The following SPATA17 variants were observed in gnomAD, a reference collection of about 807,000 sequenced individuals.
SPATA17 encodes the protein spermatogenesis-associated protein 17.
In SPATA17, 53 loss-of-function variants were observed where a neutral mutation model predicts 62.2. That is an observed-to-expected ratio of 0.85 (90% CI 0.68 to 1.07). The LOEUF (loss-of-function observed/expected upper bound fraction) is 1.07. Among genes scored for constraint, SPATA17 ranks in the 50% least tolerant of loss-of-function variants. SPATA17 has a pLI of 0.00. For missense variants in SPATA17, 466 were observed against 425.5 expected (o/e 1.10, Z -0.84); for synonymous variants, 146 against 146.8 (o/e 0.99, Z 0.04).
At chr1:217,770,938 G>C (rs544544360) in intron 6 of SPATA17, among the ~76,000 whole-genome samples, 1 of 134,144 alleles carries the variant, frequency 7.5e-6, no homozygotes, top group South Asian at 2.4e-4. Context: ...CTGAAGGGGG[G>C]AATTCAAGAA....
chr1:217,811,211 T>A (rs12120342), intron 9 of SPATA17, among the ~76,000 whole-genome samples: 30,807 of 151,744 alleles, frequency 0.2, 3,583 homozygotes, highest in East Asian at 0.53. Context: ...TTTTTGTATT[T>A]TTTGTAGAGA....
At chr1:217,712,986 G>A (rs978416170) in intron 5 of SPATA17, among the ~76,000 whole-genome samples, 1 of 152,162 alleles carries the variant, frequency 6.6e-6, no homozygotes, top group Non-Finnish European at 1.5e-5. Flanking sequence ...ATTGCCAGAG[G>A]TGTTTGGCAC....
In SPATA17 at chr1:217,782,159, A is replaced by C; in HGVS notation, c.724-15A>C. ...ATCTTCCATATAAAATATGTTCCTC[A>C]TCCTGTCTTGTCAGGGGCCCTTCCG... On this transcript the variant is annotated splice_polypyrimidine_tract_variant and intron_variant, in intron 7 of 10. Transcript: ENST00000366933. The C allele has an allele frequency of 6.3e-7, 1 of 1,575,174 alleles. No individual in the cohort carries two copies. The highest frequency in any genetic ancestry group is 8.6e-7 in the Non-Finnish European group (1 of 1,164,242).
chr1:217,734,991 G>T (rs189002862), intron 5 of SPATA17, among the ~76,000 whole-genome samples: 1 of 152,072 alleles, frequency 6.6e-6, no homozygotes, highest in Non-Finnish European at 1.5e-5. Context: ...TTCTACCCCC[G>T]CTTCCCAACA....
chr1:217,767,014 T>G (rs1374354817), intron 6 of SPATA17, among the ~76,000 whole-genome samples: 1 of 152,152 alleles, frequency 6.6e-6, no homozygotes, highest in Non-Finnish European at 1.5e-5. Context: ...ATTTTCATTC[T>G]CTCTGAAAAC....
intron 1 of SPATA17, among the ~76,000 whole-genome samples, chr1:217,635,940 C>T (rs1669927058): frequency 1.3e-5 from 2 of 151,878 alleles, no homozygotes; most frequent in Non-Finnish European, 2.9e-5. Flanking sequence ...CGAGACCAGC[C>T]TGGCCAACAT....
intron 9 of SPATA17, among the ~76,000 whole-genome samples, chr1:217,833,241 C>T (rs964723927): frequency 1.3e-5 from 2 of 152,088 alleles, no homozygotes; most frequent in African/African-American, 4.8e-5. Context: ...CTGCCTTTGT[C>T]CCATAGAGCT....
At chr1:217,836,822 A>C (rs1226220908) in intron 9 of SPATA17, among the ~76,000 whole-genome samples, 3 of 152,134 alleles carry the variant, frequency 2.0e-5, no homozygotes, top group African/African-American at 7.2e-5. Context: ...TTTTAATGGT[A>C]CAATTTTCAC....
intron 9 of SPATA17, among the ~76,000 whole-genome samples, chr1:217,824,775 A>G (rs151069453): frequency 6.6e-6 from 1 of 150,972 alleles, no homozygotes; most frequent in Non-Finnish European, 1.5e-5. Flanking sequence ...TTTCATACCT[A>G]TGTGATTGGT....
At chr1:217,637,249 C>T (rs1045355663) in intron 1 of SPATA17, among the ~76,000 whole-genome samples, 13 of 152,054 alleles carry the variant, frequency 8.5e-5, no homozygotes, top group Non-Finnish European at 1.8e-4. Context: ...TGGGTTACAA[C>T]GAAGGAATGT....
chr1:217,832,909 A>G lies in SPATA17; in HGVS notation c.1006-29865A>G, dbSNP rs370275483. 4.6e-5 allele frequency among the ~76,000 whole-genome samples: 7 copies of G among 152,096 alleles called. No homozygotes were observed. In the East Asian group the frequency reaches 1.2e-3, roughly 25 times the overall value. On this transcript the variant is annotated intron_variant, in intron 9 of 10. Transcript: ENST00000366933. Reference sequence around the variant, plus strand: ...CAGTGAGCTGGGATTGTACCACTGCATTCCAGCCTGTGTAACAGAGTGAGA... The same window carrying G: ...CAGTGAGCTGGGATTGTACCACTGCGTTCCAGCCTGTGTAACAGAGTGAGA...
At chr1:217,662,398 T>C (rs977855931) in intron 3 of SPATA17, among the ~76,000 whole-genome samples, 1 of 152,270 alleles carries the variant, frequency 6.6e-6, no homozygotes, top group African/African-American at 2.4e-5. Flanking sequence ...TTTAATTAAA[T>C]TTTTTGTTGA....
At chr1:217,707,845 G>A (rs971078986) in intron 5 of SPATA17, among the ~76,000 whole-genome samples, 5 of 152,054 alleles carry the variant, frequency 3.3e-5, no homozygotes, top group Non-Finnish European at 5.9e-5. Context: ...CTGTAATCCT[G>A]CTAACCACAC....
intron 5 of SPATA17, among the ~76,000 whole-genome samples, chr1:217,728,960 A>G (rs1672334077): frequency 6.6e-6 from 1 of 152,294 alleles, no homozygotes; most frequent in African/African-American, 2.4e-5. Flanking sequence ...TTAAGCCCCA[A>G]GTTCACTCCA....
intron 4 of SPATA17, among the ~76,000 whole-genome samples, chr1:217,679,874 T>G (rs2102903834): frequency 6.6e-6 from 1 of 152,270 alleles, no homozygotes; most frequent in Non-Finnish European, 1.5e-5. Context: ...CCAATTTCAG[T>G]TTTTTTCTTT....
Position 217,683,268 on chromosome 1 carries a change from G to A in SPATA17, c.302G>A (p.Arg101Gln), listed in dbSNP as rs200104955. The change falls in exon 5 of 11, where the codon CGA (arginine) becomes CAA (glutamine). Residue 101 changes from arginine (R) to glutamine (Q), a missense_variant. Physicochemically the swap from Arg to Gln is conservative, Grantham distance 43 (BLOSUM62 1). Coordinates refer to ENST00000366933, the MANE Select transcript of SPATA17 (RefSeq NM_138796.4). ...TATTTACTTTAATAGATTCAGAGAC[G>A]ATGGCGAGGCTATAGGGTTCGGAAG... ...YNAMAVRIQR[R>Q]WRGYRVRKYL... The A allele has an allele frequency of 1.1e-4, 181 of 1,600,116 alleles. No homozygotes were observed. The highest frequency in any genetic ancestry group is 5.6e-5 in the South Asian group (5 of 88,880).
At chr1:217,835,334 G>A (rs780676017) in intron 9 of SPATA17, among the ~76,000 whole-genome samples, 6 of 152,130 alleles carry the variant, frequency 3.9e-5, no homozygotes, top group African/African-American at 1.2e-4. Context: ...TAGGGACCTT[G>A]AAGCTGGAGT....
intron 9 of SPATA17, among the ~76,000 whole-genome samples, chr1:217,804,187 T>C (rs1175665146): frequency 2.0e-5 from 3 of 152,092 alleles, no homozygotes; most frequent in Non-Finnish European, 4.4e-5. Context: ...TACAACATGG[T>C]CCTAGCATAA....
chr1:217,745,477 C>T (rs1672726139), intron 6 of SPATA17, among the ~76,000 whole-genome samples: 1 of 152,056 alleles, frequency 6.6e-6, no homozygotes, highest in Admixed American at 6.5e-5. Context: ...AACAGATTTG[C>T]TTTACTTAGC....
Sources: allele counts gnomAD v4.1 joint callset (sites outside exome capture counted in the v4.1 genomes callset), GRCh38; gene constraint gnomAD v4.1.1; transcripts MANE v1.5; gene names NCBI Gene and HGNC (gene_info 2026-07-23, HGNC 2026-07-21).